The following RIMS2 variants were observed in gnomAD, a reference collection of about 807,000 sequenced individuals.
RIMS2 encodes the protein regulating synaptic membrane exocytosis 2.
Under a neutral mutation model 174.4 loss-of-function variants are expected in RIMS2, and 59 were observed. The ratio of observed to expected loss-of-function variants is 0.34; its 90% confidence interval spans 0.27 to 0.42. RIMS2 has a LOEUF of 0.42. Among genes scored for constraint, RIMS2 ranks in the 10% least tolerant of loss-of-function variants. RIMS2 has a pLI of 1.00. For missense variants in RIMS2, 1,620 were observed against 1,666.3 expected, an observed-to-expected ratio of 0.97 and a Z score of 0.48; for synonymous variants, 606 against 572.5, an observed-to-expected ratio of 1.06 and a Z score of -0.84.
At chr8:103,863,146 C>A (rs1482390420) in intron 3 of RIMS2, among the ~76,000 whole-genome samples, 1 of 151,960 alleles carries the variant, frequency 6.6e-6, no homozygotes, top group African/African-American at 2.4e-5. Context: ...TTCTTCGATG[C>A]CTAGTCTGTG....
intron 1 of RIMS2, among the ~76,000 whole-genome samples, chr8:103,673,984 A>G (rs1373158449): frequency 6.6e-6 from 1 of 152,226 alleles, no homozygotes; most frequent in African/African-American, 2.4e-5. Flanking sequence ...TGCTGCTTAG[A>G]AATTTCTTCC....
intron 19 of RIMS2, among the ~76,000 whole-genome samples, chr8:104,213,660 A>T (rs1038964797): frequency 2.0e-4 from 30 of 152,152 alleles, no homozygotes; most frequent in African/African-American, 7.2e-4. Context: ...GCAGATAACG[A>T]GGTCAAGAGA....
chr8:103,749,461 C>T (rs961293459), intron 2 of RIMS2, among the ~76,000 whole-genome samples: 1 of 152,150 alleles, frequency 6.6e-6, no homozygotes, highest in African/African-American at 2.4e-5. Context: ...ATTTTTTAAA[C>T]TATTATTTTA....
rs1173806942 is a variant in RIMS2, at chr8:104,100,197, G to C, written c.3334+85582G>C. 2.0e-5 allele frequency among the ~76,000 whole-genome samples: 3 copies of C among 152,008 alleles called. No homozygotes were observed. The East Asian group carries it at 5.8e-4, about 29-fold the overall frequency. ...ACTTCTTTTGTTAAATTTATTCTGA[G>C]TATTTTGTTTAGATGCTATTGTAAA... On this transcript the variant is annotated intron_variant, in intron 19 of 23. Coordinates refer to ENST00000504942, the Ensembl canonical transcript of RIMS2.
At chr8:103,606,710 G>T (rs1367929991) in intron 1 of RIMS2, among the ~76,000 whole-genome samples, 13 of 152,100 alleles carry the variant, frequency 8.5e-5, no homozygotes, top group East Asian at 3.9e-4. Context: ...ATATATTTAG[G>T]ATAGTTAGCT....
chr8:103,967,170 GTTTTTTTTTTTTTT>G (rs71575988), intron 15 of RIMS2, among the ~76,000 whole-genome samples: 21 of 24,954 alleles, frequency 8.4e-4, no homozygotes, highest in African/African-American at 3.4e-3. Context: ...ATCTGTTCTT[GTTTTTTTTTTTTTT>G]TTTTTTTTTT....
intron 3 of RIMS2, among the ~76,000 whole-genome samples, chr8:103,826,321 CTT>C (rs577712027): frequency 6.8e-6 from 1 of 146,448 alleles, no homozygotes; most frequent in Admixed American, 6.8e-5. Context: ...AGGCAACTAT[CTT>C]TTTTTTTTTC....
chr8:103,540,867 G>A (rs1842261281), intron 1 of RIMS2, among the ~76,000 whole-genome samples: 1 of 151,920 alleles, frequency 6.6e-6, no homozygotes, highest in Non-Finnish European at 1.5e-5. Context: ...AACAATGACT[G>A]GAATGAAAAA....
At chr8:104,052,176 A>C (rs944918921) in intron 19 of RIMS2, among the ~76,000 whole-genome samples, 2 of 152,214 alleles carry the variant, frequency 1.3e-5, no homozygotes, top group Admixed American at 6.5e-5. Context: ...GTGAGTTTAC[A>C]TGACTAAATC....
At chr8:103,650,804 C>T (rs2096437622) in intron 1 of RIMS2, among the ~76,000 whole-genome samples, 1 of 152,174 alleles carries the variant, frequency 6.6e-6, no homozygotes, top group Non-Finnish European at 1.5e-5. Flanking sequence ...AGATGGTGGT[C>T]ACCCATCCCC....
At chr8:103,942,420 A>C (rs1565443361) in intron 13 of RIMS2, among the ~76,000 whole-genome samples, 2 of 152,158 alleles carry the variant, frequency 1.3e-5, no homozygotes, top group African/African-American at 4.8e-5. Flanking sequence ...TTGACTCTAA[A>C]TAAAAATGCT....
intron 19 of RIMS2, among the ~76,000 whole-genome samples, chr8:104,067,240 A>G (rs923549919): frequency 3.9e-5 from 6 of 152,156 alleles, no homozygotes; most frequent in African/African-American, 1.4e-4. Context: ...CTACCTAAAC[A>G]CACTGTGTGA....
rs896151972 is a variant in RIMS2 at position 104,061,629 on chromosome 8, T to C, written c.3334+47014T>C. Among the ~76,000 whole-genome samples the C allele has an allele frequency of 6.7e-5, 10 of 149,092 alleles. 3 individuals are homozygous for C. The highest frequency in any genetic ancestry group is 2.4e-4 in the African/African-American group (10 of 41,032). ...TATAATTTATATGTATATATATTTT[T>C]ATAAATATATATTTATATTTAAAAT... On this transcript the variant is annotated intron_variant, in intron 19 of 23. Transcript: ENST00000504942.
chr8:104,034,163 T>C (rs1280784664), intron 19 of RIMS2, among the ~76,000 whole-genome samples: 1 of 152,176 alleles, frequency 6.6e-6, no homozygotes, highest in Admixed American at 6.5e-5. Flanking sequence ...TTGTTTTCTT[T>C]TTCAATTGGT....
At chr8:103,913,161 G>C (rs1019160250) in intron 6 of RIMS2, among the ~76,000 whole-genome samples, 4 of 148,404 alleles carry the variant, frequency 2.7e-5, no homozygotes, top group Admixed American at 2.7e-4. Flanking sequence ...TGTATTTTTA[G>C]TAGAGACGGG....
At chr8:104,237,623 A>G (rs183448702) in intron 19 of RIMS2, among the ~76,000 whole-genome samples, 37 of 152,248 alleles carry the variant, frequency 2.4e-4, no homozygotes, top group African/African-American at 7.9e-4. Context: ...TAGCTACTAG[A>G]TATGTAACTT....
At chr8:103,607,361 T>C (rs375720532) in intron 1 of RIMS2, among the ~76,000 whole-genome samples, 14 of 152,134 alleles carry the variant, frequency 9.2e-5, no homozygotes, top group East Asian at 1.9e-4. Context: ...GGGTTTCTGC[T>C]GAGAGATCCG....
chr8:103,639,137 T>C (rs2096164755), intron 1 of RIMS2, among the ~76,000 whole-genome samples: 3 of 152,016 alleles, frequency 2.0e-5, no homozygotes, highest in South Asian at 2.1e-4. Flanking sequence ...ACAATGCTTA[T>C]GTATTGTTAT....
intron 3 of RIMS2, among the ~76,000 whole-genome samples, chr8:103,872,985 C>G (rs539336839): frequency 1.3e-5 from 2 of 152,132 alleles, no homozygotes; most frequent in Admixed American, 6.6e-5. Context: ...GCTATTAATT[C>G]TTACTGCTAT....
Sources: gnomAD v4.1 joint callset for allele counts (sites outside exome capture counted in the v4.1 genomes callset) on GRCh38, gnomAD v4.1.1 for gene constraint, MANE v1.5 for transcripts, NCBI Gene and HGNC (gene_info 2026-07-23, HGNC 2026-07-21) for gene names.